KIF6: variants seen among roughly 807,000 people sequenced by gnomAD.
The protein encoded by KIF6 is kinesin family member 6, also known as kinesin-like protein KIF6.
Under a neutral mutation model 112.7 loss-of-function variants are expected in KIF6, and 106 were observed. The observed-to-expected ratio is 0.94, with a 90% CI of 0.80 to 1.11. The LOEUF (loss-of-function observed/expected upper bound fraction) is 1.11. KIF6 is among the 50% of genes least tolerant of loss of function. KIF6 has a pLI of 0.00. For synonymous variants in KIF6, 339 were observed against 339.9 expected (o/e 1.00, Z 0.03); for missense variants, 929 against 964.0 (o/e 0.96, Z 0.48).
At chr6:39,517,185 C>CT (rs1777134777) in intron 13 of KIF6, among the ~76,000 whole-genome samples, 1 of 152,120 alleles carries the variant, frequency 6.6e-6, no homozygotes, top group Non-Finnish European at 1.5e-5. Context: ...CCAGCTTAAC[C>CT]TTTTTAAGGT....
At chr6:39,500,839 C>G (rs1198525034) in intron 13 of KIF6, among the ~76,000 whole-genome samples, 1 of 151,960 alleles carries the variant, frequency 6.6e-6, no homozygotes, top group African/African-American at 2.4e-5. Flanking sequence ...GAGGTGGAAG[C>G]TCTCTTAGAA....
At chr6:39,580,773 CCATGTACCCTG>C (rs1156946281) in intron 9 of KIF6, among the ~76,000 whole-genome samples, 1 of 152,162 alleles carries the variant, frequency 6.6e-6, no homozygotes, top group Non-Finnish European at 1.5e-5. Flanking sequence ...AAGTGAACAT[CCATGTACCCTG>C]TACTTAAGAA....
At chr6:39,405,490 C>T (rs995172773) in intron 15 of KIF6, among the ~76,000 whole-genome samples, 1 of 152,188 alleles carries the variant, frequency 6.6e-6, no homozygotes, top group Non-Finnish European at 1.5e-5. Flanking sequence ...CTTCCTTAAT[C>T]TATTAACATG....
intron 7 of KIF6, among the ~76,000 whole-genome samples, chr6:39,588,632 A>C (rs1304999179): frequency 1.3e-5 from 2 of 151,868 alleles, no homozygotes. Context: ...CTGGATTTCT[A>C]TTCTTGATTT....
At chr6:39,387,528 T>C (rs1767528759) in intron 15 of KIF6, among the ~76,000 whole-genome samples, 1 of 152,106 alleles carries the variant, frequency 6.6e-6, no homozygotes, top group Non-Finnish European at 1.5e-5. Flanking sequence ...AAACAATAAT[T>C]GCACCCTTAT....
chr6:39,445,134 G>A lies in KIF6; in HGVS notation c.1646-13973C>T, dbSNP rs143631166. On this transcript the variant is annotated intron_variant, in intron 13 of 22. Coordinates refer to ENST00000287152, the MANE Select transcript of KIF6 (RefSeq NM_145027.6). ...ATTATCTTTCCCCAATCTGTACAGCGATTGTACTCTGAACAGTCTCCACAT... is the reference window on the plus strand; with the variant it reads ...ATTATCTTTCCCCAATCTGTACAGCAATTGTACTCTGAACAGTCTCCACAT... Among the ~76,000 whole-genome samples the A allele has an allele frequency of 5.6e-4, 86 of 152,318 alleles. 1 individual carries two copies. The highest frequency in any genetic ancestry group is 1.9e-3 in the African/African-American group (77 of 41,576).
rs1387806471 is a variant in KIF6, at chr6:39,333,066, T to C, written c.*3466A>G. ...TATCCAATGGCTGAAAACCATTGGT[T>C]TGTATAGAGGATTTTGTCTCATTTT... On this transcript the variant is annotated 3_prime_UTR_variant, in exon 23 of 23. Coordinates refer to ENST00000287152, the MANE Select transcript of KIF6 (RefSeq NM_145027.6). 1.3e-5 allele frequency: 2 copies of C among 152,224 alleles called. No individual in the cohort carries two copies. The allele number at this position is 152,224 out of a possible 1,614,324, so 9.4% of individuals were successfully genotyped here. A position where few individuals can be genotyped will look rare whatever the true frequency, so the allele number is the denominator to read the frequency against.
chr6:39,684,234 G>A (rs1005256927), intron 3 of KIF6, among the ~76,000 whole-genome samples: 2 of 152,292 alleles, frequency 1.3e-5, no homozygotes, highest in Admixed American at 6.5e-5. Context: ...GGGTGCAGGG[G>A]CTCACGCCTG....
intron 15 of KIF6, among the ~76,000 whole-genome samples, chr6:39,390,031 CAA>C (rs943420819): frequency 8.7e-4 from 38 of 43,524 alleles, no homozygotes; most frequent in Admixed American, 3.2e-3. Flanking sequence ...ACTCTGTCTC[CAA>C]AAAAAAAAAA....
Position 39,714,729 on chromosome 6 carries a change from T to A in KIF6, c.214A>T (p.Thr72Ser). ...GGTTTGGCAATGTTTTCAAAAACGG[T>A]CTCTTGGTTTGCATCCTGATCAAAA... Reference protein sequence around the residue: ...RIFDQDANQETVFENIAKPVA... With the variant: ...RIFDQDANQESVFENIAKPVA... The change falls in exon 3 of 23, where the codon ACC becomes TCC. Residue 72 changes from threonine (T) to serine (S), a missense_variant. Physicochemically the swap from Thr to Ser is moderately conservative, Grantham distance 58 (BLOSUM62 1). Transcript: ENST00000287152. The A allele has an allele frequency of 6.2e-7, 1 of 1,613,844 alleles. No homozygotes were observed. Among genetic ancestry groups the A allele is most frequent in the Non-Finnish European group, 8.5e-7 (1 of 1,179,802 alleles).
At chr6:39,710,106 C>G (rs1789451093) in intron 3 of KIF6, among the ~76,000 whole-genome samples, 1 of 152,210 alleles carries the variant, frequency 6.6e-6, no homozygotes, top group Admixed American at 6.5e-5. Context: ...CACTCTCCTA[C>G]AGAGATGAAT....
At chr6:39,627,328 A>AT (rs1209198729) in intron 5 of KIF6, among the ~76,000 whole-genome samples, 3 of 151,608 alleles carry the variant, frequency 2.0e-5, no homozygotes, top group Admixed American at 6.6e-5. Flanking sequence ...AGCTCTTGTC[A>AT]TTTTTTTTGG....
chr6:39,663,583 G>A (rs977651833), intron 3 of KIF6, among the ~76,000 whole-genome samples: 1 of 152,130 alleles, frequency 6.6e-6, no homozygotes, highest in Non-Finnish European at 1.5e-5. Flanking sequence ...ATGAAAATAT[G>A]TTGATGAGGG....
At chr6:39,417,205 T>C (rs1026050492) in intron 15 of KIF6, among the ~76,000 whole-genome samples, 11 of 152,206 alleles carry the variant, frequency 7.2e-5, no homozygotes, top group Non-Finnish European at 1.5e-4. Context: ...GTCTGAGATG[T>C]CGTGATGGCA....
intron 3 of KIF6, among the ~76,000 whole-genome samples, chr6:39,682,295 C>T (rs779457456): frequency 6.6e-6 from 1 of 152,184 alleles, no homozygotes; most frequent in Non-Finnish European, 1.5e-5. Flanking sequence ...GTTTAGCCTA[C>T]GACACACCCA....
Position 39,330,097 on chromosome 6 carries a change from A to G in KIF6, c.*6435T>C, listed in dbSNP as rs1409029020. 1 of 152,186 alleles carries G rather than the reference A, an allele frequency of 6.6e-6. No homozygotes were observed. The highest frequency in any genetic ancestry group is 1.5e-5 in the Non-Finnish European group (1 of 68,028). 9.4% of individuals were successfully genotyped at this position (152,186 alleles called of 1,614,324 possible). On this transcript the variant is annotated 3_prime_UTR_variant, in exon 23 of 23. Transcript: ENST00000287152. ...ATGTTAGCGCAGGTCTGGTGGCCCA[A>G]TCCCAGGTAGTGCCATAAAAGAAAT...
At chr6:39,525,828 A>C (rs1201220673) in intron 13 of KIF6, among the ~76,000 whole-genome samples, 2 of 151,668 alleles carry the variant, frequency 1.3e-5, no homozygotes, top group African/African-American at 4.8e-5. Context: ...TAAATAAATA[A>C]ATAAATAAAT....
chr6:39,516,022 C>T (rs982625160), intron 13 of KIF6, among the ~76,000 whole-genome samples: 2 of 152,118 alleles, frequency 1.3e-5, no homozygotes, highest in African/African-American at 4.8e-5. Flanking sequence ...ACATGATGAT[C>T]AAAGGAAATT....
chr6:39,595,414 T>C (rs1782197223), intron 7 of KIF6, among the ~76,000 whole-genome samples: 1 of 152,194 alleles, frequency 6.6e-6, no homozygotes, highest in Non-Finnish European at 1.5e-5. Flanking sequence ...TTTTAAAATC[T>C]GTAAGAGGGG....
Sources: gnomAD v4.1 joint callset for allele counts (sites outside exome capture counted in the v4.1 genomes callset) on GRCh38, gnomAD v4.1.1 for gene constraint, MANE v1.5 for transcripts, NCBI Gene and HGNC (gene_info 2026-07-23, HGNC 2026-07-21) for gene names.